ANKRD34C: variants seen among roughly 807,000 people sequenced by gnomAD.
The protein encoded by ANKRD34C is ankyrin repeat domain 34C.
For missense variants in ANKRD34C, 563 were observed against 653.0 expected (o/e 0.86, Z 1.50); for synonymous variants, 260 against 253.6 (o/e 1.03, Z -0.24).
Position 79,294,319 on chromosome 15 carries a change from G to A in ANKRD34C, c.1035G>A (p.Arg345=). 1 of 1,551,678 alleles carries A rather than the reference G, an allele frequency of 6.4e-7. No individual in the cohort carries two copies. The highest frequency in any genetic ancestry group is 8.7e-7 in the Non-Finnish European group (1 of 1,146,988). The change falls in exon 2 of 2, where the codon AGG becomes AGA. Residue 345 remains arginine, a synonymous_variant. Transcript: ENST00000421388. The part of the protein sequence containing the change: ...KGQAPHPRLA[R]RGTLPVDQEK... The stretch of plus-strand genomic sequence containing the variant: ...AGGCTCCCCACCCACGTCTGGCCAG[G>A]AGAGGAACTCTCCCTGTTGACCAAG...
intron 1 of ANKRD34C, among the ~76,000 whole-genome samples, chr15:79,284,847 G>A (rs563829366): frequency 2.2e-4 from 34 of 152,240 alleles, no homozygotes; most frequent in Admixed American, 4.6e-4. Flanking sequence ...CAGATCTCCC[G>A]CCTCTCTAGC....
intron 1 of ANKRD34C, among the ~76,000 whole-genome samples, chr15:79,285,023 G>T (rs1488290904): frequency 6.6e-6 from 1 of 152,170 alleles, no homozygotes; most frequent in Non-Finnish European, 1.5e-5. Context: ...AATGTTTATT[G>T]ATTATATTCT....
chr15:79,290,829 T>G (rs1338220271), intron 1 of ANKRD34C, among the ~76,000 whole-genome samples: 2 of 152,228 alleles, frequency 1.3e-5, no homozygotes, highest in Non-Finnish European at 2.9e-5. Context: ...TGTCAGAGTG[T>G]GGGCTTTGGT....
Position 79,293,799 on chromosome 15 carries a change from C to T in ANKRD34C, c.515C>T (p.Pro172Leu), listed in dbSNP as rs267604339. The T allele has an allele frequency of 6.4e-7, 1 of 1,551,752 alleles. No individual in the cohort carries two copies. The highest frequency in any genetic ancestry group is 8.7e-7 in the Non-Finnish European group (1 of 1,147,002). ...ACCAAACAGTATCTTAATGTCCCTC[C>T]TTCACCCAAAGTAGAAGACAGGCAT... ...KTTKQYLNVP[P>L]SPKVEDRHSP... Residue 172 changes from proline to leucine, a missense_variant, in exon 2 of 2, where the codon CCT becomes CTT. Pro to Leu is a moderately conservative substitution (Grantham distance 98). Coordinates refer to ENST00000421388, the MANE Select transcript of ANKRD34C (RefSeq NM_001146341.2).
chr15:79,291,896 T>G (rs543376045), intron 1 of ANKRD34C, among the ~76,000 whole-genome samples: 1 of 152,262 alleles, frequency 6.6e-6, no homozygotes, highest in African/African-American at 2.4e-5. Flanking sequence ...GGGGGATGAA[T>G]AAAGGAGACC....
At chr15:79,283,520 A>G (rs1283370688) in intron 1 of ANKRD34C, 1 of 152,252 alleles carries the variant, frequency 6.6e-6, no homozygotes. Context: ...GAAGGGGAAG[A>G]AAGGTCGTCA....
In ANKRD34C at chr15:79,293,873, G is replaced by A. The variant is rs1326026111; in HGVS notation, c.589G>A (p.Gly197Ser). Residue 197 changes from glycine to serine, a missense_variant, in exon 2 of 2, where the codon GGC becomes AGC. Coordinates refer to ENST00000421388, the MANE Select transcript of ANKRD34C (RefSeq NM_001146341.2). ...CTCTGACATAGAGCTGAAGGCTCTA[G>A]GCCTGGACTCTCCACTCACTGAGAA... ...SPSDIELKAL[G>S]LDSPLTEKED... is the part of the protein sequence containing the mutation. 1.9e-6 allele frequency: 3 copies of A among 1,551,678 alleles called. No individual in the cohort carries two copies. Among genetic ancestry groups the A allele is most frequent in the Non-Finnish European group, 2.6e-6 (3 of 1,146,976 alleles).
rs954913228 is a variant in ANKRD34C at position 79,297,104 on chromosome 15, T to C, written c.*2212T>C. On this transcript the variant is annotated 3_prime_UTR_variant, in exon 2 of 2. Transcript: ENST00000421388. Reference sequence around the variant, plus strand: ...AAAAATCTATAGCTCATGAACTTGGTTTAGTGTGGACAACCCTGTTCTTTT... The same window carrying C: ...AAAAATCTATAGCTCATGAACTTGGCTTAGTGTGGACAACCCTGTTCTTTT... 6.0e-6 allele frequency: 1 copy of C among 166,974 alleles called. No homozygotes were observed. The highest frequency in any genetic ancestry group is 6.5e-5 in the Admixed American group (1 of 15,280). 10.3% of individuals were successfully genotyped at this position (166,974 alleles called of 1,614,324 possible). A position where few individuals can be genotyped will look rare whatever the true frequency, so the allele number is the denominator to read the frequency against.
rs796424545 is a variant in ANKRD34C, at chr15:79,282,992, C to T, written c.-281C>T. On this transcript the variant is annotated 5_prime_UTR_variant, in exon 1 of 2. The change creates a new upstream start codon in the 5' untranslated region. Coordinates refer to ENST00000421388, the MANE Select transcript of ANKRD34C (RefSeq NM_001146341.2). ...CGGTGGACCGATTTGAAGGAACTGACGCAGAGGTTTTATTCACGAACCTTG... is the reference window on the plus strand; with the variant it reads ...CGGTGGACCGATTTGAAGGAACTGATGCAGAGGTTTTATTCACGAACCTTG... 1.3e-4 allele frequency among the ~76,000 whole-genome samples: 20 copies of T among 152,376 alleles called. No individual in the cohort carries two copies. The highest frequency in any genetic ancestry group is 4.6e-4 in the African/African-American group (19 of 41,592).
At position 79,294,663 on chromosome 15, in the gene ANKRD34C, C is replaced by T. The variant is rs1313502431; in HGVS notation, c.1379C>T (p.Pro460Leu). ...LLLDRISHTR[P>L]GFLPPLNVNL... Reference sequence around the variant, plus strand: ...CTTGATCGCATTTCTCACACTAGGCCTGGCTTCCTGCCGCCTTTAAATGTG... The same window carrying T: ...CTTGATCGCATTTCTCACACTAGGCTTGGCTTCCTGCCGCCTTTAAATGTG... The change falls in exon 2 of 2, where the codon CCT becomes CTT. Residue 460 changes from proline to leucine, a missense_variant. Coordinates refer to ENST00000421388, the MANE Select transcript of ANKRD34C (RefSeq NM_001146341.2). 1.9e-6 allele frequency: 3 copies of T among 1,551,596 alleles called. No individual in the cohort carries two copies. The highest frequency in any genetic ancestry group is 2.0e-5 in the Admixed American group (1 of 50,994).
chr15:79,297,625 A>G lies in ANKRD34C; in HGVS notation c.*2733A>G, dbSNP rs1268209044. ...TAGACAGTCATCAGGCTAGTATCTT[A>G]TCTCATCACTACTTGACGATGAGTT... On this transcript the variant is annotated 3_prime_UTR_variant, in exon 2 of 2. Coordinates refer to ENST00000421388, the MANE Select transcript of ANKRD34C (RefSeq NM_001146341.2). 6.0e-6 allele frequency: 1 copy of G among 167,138 alleles called. No homozygotes were observed. The highest frequency in any genetic ancestry group is 1.5e-5 in the Non-Finnish European group (1 of 68,138). 10.4% of individuals were successfully genotyped at this position (167,138 alleles called of 1,614,324 possible). A position where few individuals can be genotyped will look rare whatever the true frequency, so the allele number is the denominator to read the frequency against.
chr15:79,294,496 TAGAA>T lies in ANKRD34C; in HGVS notation c.1217_1220del (p.Lys406SerfsTer36). 1 of 1,551,724 alleles carries T rather than the reference TAGAA, an allele frequency of 6.4e-7. No individual in the cohort carries two copies. The highest frequency in any genetic ancestry group is 8.7e-7 in the Non-Finnish European group (1 of 1,147,000). ...TTGAATCCGGCAAAGGACCTTTAGA[TAGAA>T]AGAAGCTCAACAGCTCTCACTTGTC... On this transcript the variant is annotated frameshift_variant, in exon 2 of 2. Coordinates refer to ENST00000421388, the MANE Select transcript of ANKRD34C (RefSeq NM_001146341.2). LOFTEE classifies it low-confidence loss of function (END_TRUNC).
chr15:79,293,453 G>A lies in ANKRD34C; in HGVS notation c.169G>A (p.Val57Met). The change falls in exon 2 of 2, where the codon GTG becomes ATG. Residue 57 changes from valine to methionine, a missense_variant. Transcript: ENST00000421388. ...ALMVACITKH[V>M]DQQSISKSKM... Reference sequence around the variant, plus strand: ...CATGGTGGCGTGCATCACCAAACATGTGGACCAGCAAAGCATCAGCAAGTC... The same window carrying A: ...CATGGTGGCGTGCATCACCAAACATATGGACCAGCAAAGCATCAGCAAGTC... 1 of 1,551,660 alleles carries A rather than the reference G, an allele frequency of 6.4e-7. No individual in the cohort carries two copies. Among genetic ancestry groups the A allele is most frequent in the Non-Finnish European group, 8.7e-7 (1 of 1,146,984 alleles).
At chr15:79,285,999 G>A (rs1159178917) in intron 1 of ANKRD34C, among the ~76,000 whole-genome samples, 1 of 152,088 alleles carries the variant, frequency 6.6e-6, no homozygotes, top group Non-Finnish European at 1.5e-5. Flanking sequence ...TACTTTTGGG[G>A]ACAATAAAAT....
Position 79,293,983 on chromosome 15 carries a change from C to T in ANKRD34C, c.699C>T (p.Thr233=). Residue 233 remains threonine, a synonymous_variant, in exon 2 of 2, where the codon ACC becomes ACT. Transcript: ENST00000421388. ...CTGTTAATGAGCCTGGGTCACCCACCAGGAAAGTCAGTAATCTCAAAAGGG... is the reference window on the plus strand; with the variant it reads ...CTGTTAATGAGCCTGGGTCACCCACTAGGAAAGTCAGTAATCTCAAAAGGG... ...SKAVNEPGSP[T]RKVSNLKRAR... 1 of 1,551,670 alleles carries T rather than the reference C, an allele frequency of 6.4e-7. No homozygotes were observed. Among genetic ancestry groups the T allele is most frequent in the Non-Finnish European group, 8.7e-7 (1 of 1,146,988 alleles).
Position 79,294,556 on chromosome 15 carries a change from C to T in ANKRD34C, c.1272C>T (p.Asp424=). 4.5e-6 allele frequency: 7 copies of T among 1,551,704 alleles called. No homozygotes were observed. The highest frequency in any genetic ancestry group is 6.1e-6 in the Non-Finnish European group (7 of 1,146,984). The change falls in exon 2 of 2, where the codon GAC becomes GAT. Residue 424 remains aspartate, a synonymous_variant. Coordinates refer to ENST00000421388, the MANE Select transcript of ANKRD34C (RefSeq NM_001146341.2). ...TCCATGGCTCTCGGGAGTCCCTGGA[C>T]ACTGTACCTAGCACATCCCCCAGCT... is the stretch of plus-strand genomic sequence containing the variant. ...SLFHGSRESL[D]TVPSTSPSSA...
intron 1 of ANKRD34C, among the ~76,000 whole-genome samples, chr15:79,287,612 T>G (rs765705334): frequency 2.0e-5 from 3 of 152,246 alleles, no homozygotes; most frequent in Non-Finnish European, 4.4e-5. Context: ...TGCCAGTGTT[T>G]AGTCAAGGTT....
intron 1 of ANKRD34C, among the ~76,000 whole-genome samples, chr15:79,288,129 G>C (rs1455205358): frequency 6.6e-6 from 1 of 152,210 alleles, no homozygotes; most frequent in Admixed American, 6.5e-5. Context: ...TCCCTCATCT[G>C]TGAAATGGTA....
rs895343748 is a variant in ANKRD34C at position 79,295,306 on chromosome 15, A to G, written c.*414A>G. ...GCTTTAACATTTGTTAGAATGTACAAAAGCCCCAAACCAAACCCTCAGTGA... is the reference window on the plus strand; with the variant it reads ...GCTTTAACATTTGTTAGAATGTACAGAAGCCCCAAACCAAACCCTCAGTGA... On this transcript the variant is annotated 3_prime_UTR_variant, in exon 2 of 2. Transcript: ENST00000421388. The G allele has an allele frequency of 5.6e-6, 1 of 177,734 alleles. No homozygotes were observed. The highest frequency in any genetic ancestry group is 2.4e-5 in the African/African-American group (1 of 41,528). The allele number at this position is 177,734 out of a possible 1,614,324, so 11.0% of individuals were successfully genotyped here. A position where few individuals can be genotyped will look rare whatever the true frequency, so the allele number is the denominator to read the frequency against.
Sources: gnomAD v4.1 joint callset for allele counts (sites outside exome capture counted in the v4.1 genomes callset) on GRCh38, gnomAD v4.1.1 for gene constraint, MANE v1.5 for transcripts, NCBI Gene and HGNC (gene_info 2026-07-23, HGNC 2026-07-21) for gene names.